The following ZNF749 variants were observed in gnomAD, a reference collection of about 807,000 sequenced individuals.
ZNF749 encodes zinc finger protein 749.
A neutral mutation model predicts 7.3 loss-of-function variants in ZNF749; 8 were observed. That is an observed-to-expected ratio of 1.10 (90% CI 0.64 to 1.98). The LOEUF is 1.98. ZNF749 is among the 30% of genes most tolerant of loss of function. The pLI is 0.00. For synonymous variants in ZNF749, 310 were observed against 322.4 expected (o/e 0.96, Z 0.41); for missense variants, 898 against 932.4 (o/e 0.96, Z 0.48).
upstream of ZNF749, among the ~76,000 whole-genome samples, chr19:57,434,528 C>T (rs773982764): frequency 6.6e-6 from 1 of 152,104 alleles, no homozygotes; most frequent in African/African-American, 2.4e-5. Flanking sequence ...CTTCCAGTTG[C>T]GCCTTTCCAG....
Position 57,445,620 on chromosome 19 carries a change from G to T in ZNF749, c.*135G>T. The T allele has an allele frequency of 7.1e-7, 1 of 1,406,088 alleles. No homozygotes were observed. Among genetic ancestry groups the T allele is most frequent in the Non-Finnish European group, 9.5e-7 (1 of 1,057,510 alleles). 87.1% of individuals were successfully genotyped at this position (1,406,088 alleles called of 1,614,324 possible). A position where few individuals can be genotyped will look rare whatever the true frequency, so the allele number is the denominator to read the frequency against. On this transcript the variant is annotated 3_prime_UTR_variant, in exon 3 of 3. Transcript: ENST00000334181. ...AGATGGAAATCTGCGAGGATTTCCT[G>T]CTGGGAACTACATTAAAAACATTTA...
At chr19:57,433,109 G>GTGTGTGT (rs1374785596), upstream of ZNF749, among the ~76,000 whole-genome samples, 1 of 105,132 alleles carries the variant, frequency 9.5e-6, no homozygotes, top group Non-Finnish European at 1.9e-5. Flanking sequence ...ATAGTCTTGA[G>GTGTGTGT]GAGTGTGTGT....
intron 1 of ZNF749, among the ~76,000 whole-genome samples, chr19:57,437,710 C>T (rs980596327): frequency 1.5e-5 from 2 of 134,054 alleles, no homozygotes; most frequent in African/African-American, 2.8e-5. Flanking sequence ...GGCAACAGGG[C>T]GAGACACTGT....
intron 1 of ZNF749, among the ~76,000 whole-genome samples, chr19:57,438,894 C>T (rs2088960652): frequency 6.6e-6 from 1 of 152,148 alleles, no homozygotes; most frequent in Non-Finnish European, 1.5e-5. Context: ...AGTTCAAATG[C>T]TTACTGGTGC....
upstream of ZNF749, among the ~76,000 whole-genome samples, chr19:57,432,594 G>T (rs368342857): frequency 9.1e-5 from 13 of 142,820 alleles, no homozygotes; most frequent in Middle Eastern, 3.5e-3. Flanking sequence ...AGGTGGGGGG[G>T]ACTAAACAGA....
chr19:57,444,169 C>T lies in ZNF749; in HGVS notation c.1021C>T (p.Leu341Phe), dbSNP rs368423173. The T allele has an allele frequency of 5.6e-6, 9 of 1,613,962 alleles. No individual in the cohort carries two copies. Among genetic ancestry groups the T allele is most frequent in the Non-Finnish European group, 7.6e-6 (9 of 1,180,030 alleles). The change falls in exon 3 of 3, where the codon CTC becomes TTC. Residue 341 changes from leucine (L) to phenylalanine (F), a missense_variant. Leu to Phe is a conservative substitution (Grantham distance 22). Coordinates refer to ENST00000334181, the MANE Select transcript of ZNF749 (RefSeq NM_001023561.4). ...CGKFFMYNSK[L>F]IRHQKVHTGE... ...GAAGTTTTTTATGTATAACTCCAAA[C>T]TCATCAGACATCAGAAAGTTCACAC... is the stretch of plus-strand genomic sequence containing the variant.
upstream of ZNF749, among the ~76,000 whole-genome samples, chr19:57,431,754 T>C (rs966507276): frequency 3.9e-5 from 6 of 152,164 alleles, no homozygotes; most frequent in African/African-American, 1.4e-4. Flanking sequence ...CACCAGTCTG[T>C]TGAGAATCAG....
upstream of ZNF749, among the ~76,000 whole-genome samples, chr19:57,430,999 C>T (rs2088896472): frequency 7.1e-6 from 1 of 141,436 alleles, no homozygotes; most frequent in Admixed American, 7.5e-5. Flanking sequence ...GAAATTGTGC[C>T]ACTGCACTCC....
intron 1 of ZNF749, 125 bp downstream of exon 1, chr19:57,435,718 G>A (rs760217693): frequency 2.0e-6 from 3 of 1,469,556 alleles, no homozygotes; most frequent in Non-Finnish European, 2.7e-6. Flanking sequence ...GGGGTGCCCG[G>A]GACTGGGACT....
upstream of ZNF749, among the ~76,000 whole-genome samples, chr19:57,432,489 G>A (rs986847123): frequency 6.6e-6 from 1 of 150,522 alleles, no homozygotes; most frequent in East Asian, 2.0e-4. Context: ...TTGAACCTGG[G>A]AGGTGGAGGT....
rs2089031718 is a variant in ZNF749 at position 57,444,330 on chromosome 19, C to T, written c.1182C>T (p.Arg394=). ...CSICGKFFSH[R]STLNMHQRVH... ...TATGTGGAAAATTCTTTAGTCACCGCTCCACACTCAATATGCACCAGAGAG... is the reference window on the plus strand; with the variant it reads ...TATGTGGAAAATTCTTTAGTCACCGTTCCACACTCAATATGCACCAGAGAG... The change falls in exon 3 of 3, where the codon CGC becomes CGT. Residue 394 remains arginine (R), a synonymous_variant. Coordinates refer to ENST00000334181, the MANE Select transcript of ZNF749 (RefSeq NM_001023561.4). 1.2e-6 allele frequency: 2 copies of T among 1,613,994 alleles called. No homozygotes were observed. The highest frequency in any genetic ancestry group is 1.7e-6 in the Non-Finnish European group (2 of 1,180,008).
chr19:57,445,284 T>G lies in ZNF749; in HGVS notation c.2136T>G (p.Ile712Met), dbSNP rs750792461. ...TGTTTAGGACTAAATCGAGCCTTAT[T>G]ATACATCAGCAGTCTCACACTGGAG... ...RELFRTKSSL[I>M]IHQQSHTGES... The change falls in exon 3 of 3, where the codon ATT becomes ATG. Residue 712 changes from isoleucine to methionine, a missense_variant. Ile to Met is a conservative substitution (Grantham distance 10, BLOSUM62 1). Coordinates refer to ENST00000334181, the MANE Select transcript of ZNF749 (RefSeq NM_001023561.4). 8.1e-6 allele frequency: 13 copies of G among 1,613,884 alleles called. No homozygotes were observed. In the African/African-American group the frequency reaches 1.2e-4, roughly 15 times the overall value.
At chr19:57,433,603 CAG>C (rs894406383), upstream of ZNF749, among the ~76,000 whole-genome samples, 28 of 148,794 alleles carry the variant, frequency 1.9e-4, no homozygotes, top group African/African-American at 6.7e-4. Flanking sequence ...TTCAGTTGGG[CAG>C]AGTTAATTTT....
At chr19:57,438,257 A>G (rs1381621520) in intron 1 of ZNF749, 2 of 390,278 alleles carry the variant, frequency 5.1e-6, no homozygotes, top group Non-Finnish European at 9.0e-6. Context: ...CCCAGGCACA[A>G]GTGTTTCTTG....
In ZNF749 at chr19:57,444,477, T is replaced by C. The variant is rs2089034888; in HGVS notation, c.1329T>C (p.Cys443=). 2 of 1,614,038 alleles carry C rather than the reference T, an allele frequency of 1.2e-6. No homozygotes were observed. Among genetic ancestry groups the C allele is most frequent in the Non-Finnish European group, 1.7e-6 (2 of 1,179,912 alleles). Residue 443 remains cysteine (C), a synonymous_variant, in exon 3 of 3, where the codon TGT becomes TGC. Coordinates refer to ENST00000334181, the MANE Select transcript of ZNF749 (RefSeq NM_001023561.4). ...TGERPYECTE[C]EKAFVRKSHL... is the part of the protein sequence containing the mutation. Reference sequence around the variant, plus strand: ...AACGGCCTTATGAGTGCACTGAATGTGAGAAGGCCTTTGTTAGAAAGTCCC... The same window carrying C: ...AACGGCCTTATGAGTGCACTGAATGCGAGAAGGCCTTTGTTAGAAAGTCCC...
At position 57,435,584 on chromosome 19, in the gene ZNF749, C is replaced by T; in HGVS notation, c.6C>T (p.Asn2=). The part of the protein sequence containing the change: M[N]LTEDCMVFED... ...GACTGGAGGAGGCCGCGCCGATGAA[C>T]CTGACCGAGGTGCGTGCAGCGTCCC... The change falls in exon 1 of 3, where the codon AAC becomes AAT. Residue 2 remains asparagine (N), a synonymous_variant. Coordinates refer to ENST00000334181, the MANE Select transcript of ZNF749 (RefSeq NM_001023561.4). 1 of 1,606,562 alleles carries T rather than the reference C, an allele frequency of 6.2e-7. No homozygotes were observed. Among genetic ancestry groups the T allele is most frequent in the Non-Finnish European group, 8.5e-7 (1 of 1,177,586 alleles).
rs899564211 is a variant in ZNF749, at chr19:57,446,394, C to T, written c.*909C>T. 1.3e-5 allele frequency among the ~76,000 whole-genome samples: 2 copies of T among 152,170 alleles called. No homozygotes were observed. The highest frequency in any genetic ancestry group is 2.9e-5 in the Non-Finnish European group (2 of 68,024). On this transcript the variant is annotated 3_prime_UTR_variant, in exon 3 of 3. Transcript: ENST00000334181. ...CTTCCATGAAACCAGTCCCTGGTGC[C>T]AAAGAGGTTGGGGACCGCTGCTTTA...
At chr19:57,428,651 C>G in the ZNF749 span, 1 of 152,004 alleles carries the variant, frequency 6.6e-6, no homozygotes, top group African/African-American at 2.4e-5. Flanking sequence ...AGTATAGCAC[C>G]TGTTATCTAC....
chr19:57,435,637 A>G (rs1264255283), intron 1 of ZNF749, 44 bp downstream of exon 1: 18 of 1,592,840 alleles, frequency 1.1e-5, no homozygotes, highest in Non-Finnish European at 1.5e-5. Context: ...CCCTCCTCCC[A>G]GTGCTGAAGT....
Sources: allele counts gnomAD v4.1 joint callset (sites outside exome capture counted in the v4.1 genomes callset), GRCh38; gene constraint gnomAD v4.1.1; transcripts MANE v1.5; gene names NCBI Gene and HGNC (gene_info 2026-07-23, HGNC 2026-07-21).